The following IGSF11 variants were observed in gnomAD, a reference collection of about 807,000 sequenced individuals.
IGSF11 encodes CXADR like 1.
A neutral mutation model predicts 41.0 loss-of-function variants in IGSF11; 22 were observed. That is an observed-to-expected ratio of 0.54 (90% confidence interval 0.38 to 0.77). The LOEUF is 0.77. Ranked by LOEUF, IGSF11 falls within the 30% of genes least tolerant of loss-of-function variation. IGSF11 has a pLI of 0.00. For synonymous variants in IGSF11, 219 were observed against 201.3 expected (o/e 1.09, Z -0.74); for missense variants, 444 against 530.8 (o/e 0.84, Z 1.61).
chr3:119,023,008 C>G (rs995807570), intron 1 of IGSF11, among the ~76,000 whole-genome samples: 1 of 151,770 alleles, frequency 6.6e-6, no homozygotes, highest in Non-Finnish European at 1.5e-5. Context: ...ATGCCTGTAA[C>G]CCCCGCACTT....
chr3:118,904,934 T>C (rs958862385), intron 5 of IGSF11, 136 bp from the exon 6 acceptor site: 2 of 690,084 alleles, frequency 2.9e-6, no homozygotes, highest in Admixed American at 6.6e-5. Context: ...ATCTTTCATC[T>C]ATATAAAGTT....
intron 1 of IGSF11, among the ~76,000 whole-genome samples, chr3:119,019,586 G>T (rs918357334): frequency 5.3e-5 from 8 of 151,836 alleles, no homozygotes; most frequent in Admixed American, 3.9e-4. Flanking sequence ...ATGAAGGAGA[G>T]AGTGCTCAAA....
At position 119,034,633 on chromosome 3, in the gene IGSF11, C is replaced by A; in HGVS notation, c.-51G>T. The A allele has an allele frequency of 1.3e-6, 2 of 1,535,610 alleles. No individual in the cohort carries two copies. The highest frequency in any genetic ancestry group is 2.5e-5 in the East Asian group (1 of 39,992). On this transcript the variant is annotated 5_prime_UTR_variant, in exon 1 of 7. Transcript: ENST00000393775. The stretch of plus-strand genomic sequence containing the variant: ...CCTCCTACCCGGCTCCCGGTCGCAA[C>A]AGGAGAGGAGCGGGCGTGAGTCTCC...
At chr3:119,026,790 G>C (rs1939873205) in intron 1 of IGSF11, among the ~76,000 whole-genome samples, 1 of 152,116 alleles carries the variant, frequency 6.6e-6, no homozygotes, top group African/African-American at 2.4e-5. Context: ...TGAGCTCAAG[G>C]CTGAAGGAAC....
Position 118,928,631 on chromosome 3 carries a change from G to C in IGSF11, c.302C>G (p.Thr101Ser), listed in dbSNP as rs1282216116. 3.7e-6 allele frequency: 6 copies of C among 1,614,092 alleles called. No individual in the cohort carries two copies. Among genetic ancestry groups the C allele is most frequent in the Non-Finnish European group, 5.1e-6 (6 of 1,179,998 alleles). The change falls in exon 3 of 7, where the codon ACC becomes AGC. Residue 101 changes from threonine to serine, a missense_variant. This residue lies in a region of IGSF11 where 193 missense variants were observed against 283.5 expected (regional missense o/e 0.68). Transcript: ENST00000393775. The stretch of plus-strand genomic sequence containing the variant: ...GTTATTAATGAAGATAGAGACATTG[G>C]TAGCTGGCATGGTGCCTGTAAATCC... ...RVGFTGTMPATNVSIFINNTQ... is the reference protein window; with the variant it reads ...RVGFTGTMPASNVSIFINNTQ...
At position 119,049,278 on chromosome 3, in the gene IGSF11, C is replaced by G. The variant is rs1941510535; in HGVS notation, c.49+55866G>C. On this transcript the variant is annotated intron_variant, in intron 1 of 6. Transcript: ENST00000354673. ...TGTCTCAGCCCAAAATCTCCTTAAG[C>G]TCATAAGCAACTTCAGCAAAGTCTC... 1.3e-5 allele frequency among the ~76,000 whole-genome samples: 2 copies of G among 151,294 alleles called. 1 individual carries two copies. The highest frequency in any genetic ancestry group is 4.2e-4 in the South Asian group (2 of 4,746).
intron 1 of IGSF11, among the ~76,000 whole-genome samples, chr3:118,965,649 C>T (rs115174408): frequency 0.013 from 2,021 of 151,994 alleles, 55 homozygotes; most frequent in African/African-American, 0.046. Context: ...CACTGAAAAT[C>T]CAAACATTTC....
chr3:118,941,748 C>A (rs564149743), intron 1 of IGSF11, among the ~76,000 whole-genome samples: 1 of 152,148 alleles, frequency 6.6e-6, no homozygotes, highest in African/African-American at 2.4e-5. Context: ...ATGGATAAAA[C>A]AATTGTGACA....
chr3:118,903,395 T>C (rs970654011), intron 6 of IGSF11, among the ~76,000 whole-genome samples: 2 of 152,022 alleles, frequency 1.3e-5, no homozygotes, highest in African/African-American at 2.4e-5. Flanking sequence ...TATTCACACA[T>C]AAATATTTAC....
intron 1 of IGSF11, among the ~76,000 whole-genome samples, chr3:119,124,733 C>T (rs1042030343): frequency 2.0e-5 from 3 of 151,984 alleles, no homozygotes; most frequent in Non-Finnish European, 2.9e-5. Context: ...TAGAGAAAGA[C>T]ATAGGCATAG....
In IGSF11 at chr3:118,928,728, A is replaced by G. The variant is rs1942588863; in HGVS notation, c.217-12T>C. On this transcript the variant is annotated splice_polypyrimidine_tract_variant and intron_variant, in intron 2 of 6. Coordinates refer to ENST00000393775, the MANE Select transcript of IGSF11 (RefSeq NM_001015887.3). ...TGATACAGGATGACCTGGAAAAGAA[A>G]GCAAAATAAATAAACTGGCCACTCT... is the stretch of plus-strand genomic sequence containing the variant. 4 of 1,606,856 alleles carry G rather than the reference A, an allele frequency of 2.5e-6. No individual in the cohort carries two copies. The highest frequency in any genetic ancestry group is 3.4e-6 in the Non-Finnish European group (4 of 1,175,196).
chr3:118,917,024 A>G (rs963705395), intron 4 of IGSF11, among the ~76,000 whole-genome samples: 10 of 152,218 alleles, frequency 6.6e-5, no homozygotes, highest in African/African-American at 2.4e-4. Context: ...ACATAAGGAA[A>G]TGAAGGCAGA....
chr3:118,993,152 C>T (rs1416861098), intron 1 of IGSF11, among the ~76,000 whole-genome samples: 1 of 152,072 alleles, frequency 6.6e-6, no homozygotes, highest in African/African-American at 2.4e-5. Flanking sequence ...CATTTGAGCC[C>T]AAGAGTTCAA....
chr3:119,053,797 T>C (rs1941718708), intron 1 of IGSF11, among the ~76,000 whole-genome samples: 1 of 151,546 alleles, frequency 6.6e-6, no homozygotes, highest in South Asian at 2.1e-4. Flanking sequence ...CAAAACAGCA[T>C]GGTACTGTTA....
At chr3:119,069,642 A>C (rs1426900338) in intron 1 of IGSF11, among the ~76,000 whole-genome samples, 1 of 152,222 alleles carries the variant, frequency 6.6e-6, no homozygotes, top group African/African-American at 2.4e-5. Flanking sequence ...GTAAATAGAA[A>C]TTCAAAAACC....
chr3:119,047,312 C>A (rs1416211926), intron 1 of IGSF11, among the ~76,000 whole-genome samples: 2 of 151,964 alleles, frequency 1.3e-5, no homozygotes, highest in South Asian at 2.1e-4. Context: ...ATCTACCAAG[C>A]AAATGGAAAA....
At chr3:119,078,913 A>G (rs2076544786) in intron 1 of IGSF11, among the ~76,000 whole-genome samples, 1 of 152,208 alleles carries the variant, frequency 6.6e-6, no homozygotes, top group South Asian at 2.1e-4. Flanking sequence ...AAAGGACAGA[A>G]CAGAAGTGAA....
intron 1 of IGSF11, chr3:118,948,003 C>A (rs1211333660): frequency 6.6e-6 from 1 of 152,120 alleles, no homozygotes; most frequent in Non-Finnish European, 1.5e-5. Flanking sequence ...CTATTGTTGA[C>A]TGGTTTGGCA....
chr3:118,987,079 G>T (rs144727521), intron 1 of IGSF11, among the ~76,000 whole-genome samples: 1 of 152,166 alleles, frequency 6.6e-6, no homozygotes. Flanking sequence ...CCAGGAAAAC[G>T]TGTGGAAGCT....
Sources: gnomAD v4.1 joint callset for allele counts (sites outside exome capture counted in the v4.1 genomes callset) on GRCh38, gnomAD v4.1.1 for gene constraint, gnomAD v4.1.1 regional missense constraint, MANE v1.5 for transcripts, NCBI Gene and HGNC (gene_info 2026-07-23, HGNC 2026-07-21) for gene names.